Variants in KCNH1 observed in about 807,000 individuals in gnomAD.
KCNH1 encodes voltage-gated delayed rectifier potassium channel KCNH1.
In KCNH1, 27 loss-of-function variants were observed where a neutral mutation model predicts 69.2. The ratio of observed to expected loss-of-function variants is 0.39; its 90% CI spans 0.29 to 0.54. The LOEUF is 0.54. KCNH1 is among the 20% of genes least tolerant of loss of function. The pLI is 0.68. For missense variants in KCNH1, 798 were observed against 1,261.6 expected (o/e 0.63, Z 5.57); for synonymous variants, 456 against 487.7 (o/e 0.93, Z 0.86).
In KCNH1 at chr1:210,760,229, G is replaced by GA. The variant is rs368509068; in HGVS notation, c.2112+15118dup. Among the ~76,000 whole-genome samples, 802 of 151,814 alleles carry GA rather than the reference G, an allele frequency of 5.3e-3. 6 individuals are homozygous for GA. Among genetic ancestry groups the GA allele is most frequent in the African/African-American group, 0.018 (758 of 41,386 alleles). The stretch of plus-strand genomic sequence containing the variant: ...CAGACTATCCAAGGTCAATGTGAAA[G>GA]AAAAAAAATCTTAAAGGCAGCTAGA... On this transcript the variant is annotated intron_variant, in intron 10 of 10. Transcript: ENST00000271751.
At chr1:210,746,855 C>G (rs118131763) in intron 10 of KCNH1, among the ~76,000 whole-genome samples, 1,649 of 152,242 alleles carry the variant, frequency 0.011, 68 homozygotes, top group Admixed American at 0.075. Flanking sequence ...CTATTACAAC[C>G]TTTTCTTAAC....
chr1:210,808,588 T>G (rs1001400029), intron 7 of KCNH1, among the ~76,000 whole-genome samples: 3 of 152,016 alleles, frequency 2.0e-5, no homozygotes, highest in African/African-American at 4.8e-5. Flanking sequence ...TAGCGACATG[T>G]TCTCACAATG....
intron 5 of KCNH1, among the ~76,000 whole-genome samples, chr1:211,026,175 C>A (rs1689679872): frequency 6.6e-6 from 1 of 152,128 alleles, no homozygotes; most frequent in Non-Finnish European, 1.5e-5. Context: ...ATATTTTTCC[C>A]TATTCCTCCC....
At chr1:210,715,440 G>A (rs1179366223) in intron 10 of KCNH1, among the ~76,000 whole-genome samples, 1 of 151,878 alleles carries the variant, frequency 6.6e-6, no homozygotes, top group African/African-American at 2.4e-5. Context: ...GCCAAGGCAG[G>A]AGGGTTGCTT....
chr1:211,006,104 G>T (rs577086365), intron 6 of KCNH1, among the ~76,000 whole-genome samples: 10 of 152,270 alleles, frequency 6.6e-5, no homozygotes, highest in African/African-American at 2.4e-4. Context: ...ATCAGTGTTG[G>T]CAAGGAAGTA....
At chr1:211,006,546 G>A (rs1421004828) in intron 6 of KCNH1, among the ~76,000 whole-genome samples, 1 of 151,860 alleles carries the variant, frequency 6.6e-6, no homozygotes, top group Admixed American at 6.5e-5. Flanking sequence ...GGAGGAGCAA[G>A]GGAGAAGTGA....
chr1:210,816,027 T>A (rs1156915801), intron 7 of KCNH1, among the ~76,000 whole-genome samples: 1 of 152,194 alleles, frequency 6.6e-6, no homozygotes, highest in Non-Finnish European at 1.5e-5. Context: ...TTTTACCAGA[T>A]CTCACTCTTG....
In KCNH1 at chr1:210,867,330, T is replaced by TACACACAC. The variant is rs57696942; in HGVS notation, c.1462+52302_1462+52309dup. ...ACACATAGAATTATATGTATATGTT[T>TACACACAC]ACACACACACACACACACACACACA... On this transcript the variant is annotated intron_variant, in intron 7 of 10. Transcript: ENST00000271751. 7.6e-5 allele frequency among the ~76,000 whole-genome samples: 11 copies of TACACACAC among 144,234 alleles called. No individual in the cohort carries two copies. The East Asian group carries it at 1.0e-3, about 13-fold the overall frequency. The allele number at this position is 144,234 out of a possible 152,430, so 94.6% of individuals were successfully genotyped here. A position where few individuals can be genotyped will look rare whatever the true frequency, so the allele number is the denominator to read the frequency against.
chr1:211,032,609 A>G (rs1262454745), intron 5 of KCNH1, among the ~76,000 whole-genome samples: 1 of 152,200 alleles, frequency 6.6e-6, no homozygotes, highest in Admixed American at 6.5e-5. Flanking sequence ...ATAATGCCAC[A>G]TATCTACAAC....
At chr1:210,831,455 G>A (rs1337754378) in intron 7 of KCNH1, among the ~76,000 whole-genome samples, 1 of 152,190 alleles carries the variant, frequency 6.6e-6, no homozygotes, top group Non-Finnish European at 1.5e-5. Context: ...GACTGAGAAA[G>A]GGAGCTGAGA....
chr1:211,087,658 CACACA>C lies in KCNH1; in HGVS notation c.439+2899_439+2903del, dbSNP rs1690981835. On this transcript the variant is annotated intron_variant, in intron 4 of 10. Coordinates refer to ENST00000271751, the MANE Select transcript of KCNH1 (RefSeq NM_172362.3). ...ACACACGCACACACACACACACACA[CACACA>C]CCCCAGAGCTGTTAGCAAACAGCAA... 2.4e-4 allele frequency among the ~76,000 whole-genome samples: 36 copies of C among 151,850 alleles called. No homozygotes were observed. In the South Asian group the frequency reaches 7.3e-3, roughly 31 times the overall value.
chr1:210,809,036 G>C (rs552015173), intron 7 of KCNH1, among the ~76,000 whole-genome samples: 177 of 152,258 alleles, frequency 1.2e-3, no homozygotes, highest in Middle Eastern at 3.4e-3. Context: ...ATTTGGAGAA[G>C]AAGGGGTTTC....
intron 6 of KCNH1, among the ~76,000 whole-genome samples, chr1:210,982,019 A>G (rs1004950997): frequency 6.6e-6 from 1 of 152,050 alleles, no homozygotes; most frequent in Non-Finnish European, 1.5e-5. Flanking sequence ...TCCCAAAAAC[A>G]TGGCTCAGGA....
At chr1:211,099,824 A>G (rs1381293254) in intron 3 of KCNH1, among the ~76,000 whole-genome samples, 3 of 151,952 alleles carry the variant, frequency 2.0e-5, no homozygotes, top group Non-Finnish European at 2.9e-5. Context: ...GGGCTCCCAA[A>G]CTAAGGGAGG....
At chr1:210,917,030 C>A (rs1687347197) in intron 7 of KCNH1, among the ~76,000 whole-genome samples, 1 of 151,640 alleles carries the variant, frequency 6.6e-6, no homozygotes, top group African/African-American at 2.4e-5. Flanking sequence ...TGCCTATAAG[C>A]CCAGCTACTT....
intron 10 of KCNH1, among the ~76,000 whole-genome samples, chr1:210,685,461 G>A (rs1225248698): frequency 6.6e-6 from 1 of 152,150 alleles, no homozygotes; most frequent in Non-Finnish European, 1.5e-5. Context: ...CGCCAGTCTT[G>A]GGGAGGCACA....
chr1:210,964,588 T>C (rs1688362767), intron 6 of KCNH1, among the ~76,000 whole-genome samples: 1 of 152,028 alleles, frequency 6.6e-6, no homozygotes, highest in Non-Finnish European at 1.5e-5. Context: ...AATAACCAGA[T>C]CTGAAATTGG....
chr1:210,919,478 A>G lies in KCNH1; in HGVS notation c.1462+162T>C. 2.8e-6 allele frequency: 2 copies of G among 724,256 alleles called. No individual in the cohort carries two copies. Among genetic ancestry groups the G allele is most frequent in the Non-Finnish European group, 4.6e-6 (2 of 430,390 alleles). The allele number at this position is 724,256 out of a possible 1,614,324, so 44.9% of individuals were successfully genotyped here. On this transcript the variant is annotated intron_variant, in intron 7 of 10. Coordinates refer to ENST00000271751, the MANE Select transcript of KCNH1 (RefSeq NM_172362.3). This position sits in a 1 kb window ranked among gnomAD's most constrained non-coding sequence, Gnocchi z 4.2. ...TTTTCTAAATTTTTTTGCAGTAAGCATATACTGCTTTAATTATCAGGGTAA... is the reference window on the plus strand; with the variant it reads ...TTTTCTAAATTTTTTTGCAGTAAGCGTATACTGCTTTAATTATCAGGGTAA...
chr1:211,061,940 T>C (rs1425632732), intron 5 of KCNH1, among the ~76,000 whole-genome samples: 1 of 152,192 alleles, frequency 6.6e-6, no homozygotes, highest in Non-Finnish European at 1.5e-5. Context: ...ACTAATGGCA[T>C]GCTTCACAGA....
Sources: gnomAD v4.1 joint callset for allele counts (sites outside exome capture counted in the v4.1 genomes callset) on GRCh38, gnomAD v4.1.1 for gene constraint, Gnocchi (gnomAD v3.1) non-coding constraint, MANE v1.5 for transcripts, NCBI Gene and HGNC (gene_info 2026-07-23, HGNC 2026-07-21) for gene names.